TRPC3: variants seen among roughly 807,000 people sequenced by gnomAD.
TRPC3 encodes transient receptor potential cation channel subfamily C member 3, also known as short transient receptor potential channel 3.
A neutral mutation model predicts 90.9 loss-of-function variants in TRPC3; 54 were observed. That is an observed-to-expected ratio of 0.59 (90% CI 0.48 to 0.75). The LOEUF is 0.75. Ranked by LOEUF, TRPC3 falls within the 30% of genes least tolerant of loss-of-function variation. The probability of loss-of-function intolerance (pLI) is 0.00; values close to 1 mark genes in which losing one functional copy is unlikely to be tolerated. For missense variants in TRPC3, 918 were observed against 1,194.5 expected (o/e 0.77, Z 3.41); for synonymous variants, 424 against 450.9 (o/e 0.94, Z 0.75).
At chr4:121,925,324 C>G (rs1161732045) in intron 2 of TRPC3, 118 bp from the exon 3 acceptor site, 1 of 1,092,694 alleles carries the variant, frequency 9.2e-7, no homozygotes, top group Non-Finnish European at 1.3e-6. Flanking sequence ...TGCAGCCCAC[C>G]TGGATGCAAG....
intron 11 of TRPC3, among the ~76,000 whole-genome samples, chr4:121,881,791 T>G (rs1051391212): frequency 3.9e-5 from 6 of 152,154 alleles, no homozygotes; most frequent in African/African-American, 1.2e-4. Flanking sequence ...TCCTAGACTT[T>G]GGTAAAAAAT....
chr4:121,916,269 AGGACAGGC>A (rs1230678030), intron 3 of TRPC3, among the ~76,000 whole-genome samples: 11 of 152,172 alleles, frequency 7.2e-5, no homozygotes, highest in Admixed American at 3.3e-4. Flanking sequence ...CTCATCTCCC[AGGACAGGC>A]GATGTAGGTT....
chr4:121,922,611 T>C (rs918193587), intron 3 of TRPC3, among the ~76,000 whole-genome samples: 2 of 152,238 alleles, frequency 1.3e-5, no homozygotes, highest in Admixed American at 6.5e-5. Context: ...TTTAGTTGAC[T>C]GAAGCACAAG....
At chr4:121,945,554 G>C (rs1203272883) in intron 1 of TRPC3, among the ~76,000 whole-genome samples, 1 of 152,128 alleles carries the variant, frequency 6.6e-6, no homozygotes, top group African/African-American at 2.4e-5. Context: ...CTCAATGCTA[G>C]AGAACGCCCA....
At chr4:121,925,300 T>A in intron 2 of TRPC3, 94 bp from the exon 3 acceptor site, 1 of 1,354,254 alleles carries the variant, frequency 7.4e-7, no homozygotes, top group South Asian at 1.6e-5. Flanking sequence ...TCCCTTCTTT[T>A]GGGGGTAGAA....
chr4:121,947,746 T>C (rs898324078), intron 1 of TRPC3, among the ~76,000 whole-genome samples: 1 of 152,216 alleles, frequency 6.6e-6, no homozygotes, highest in Admixed American at 6.5e-5. Context: ...TAACTACTTT[T>C]ATTAAGACAA....
intron 6 of TRPC3, among the ~76,000 whole-genome samples, chr4:121,908,597 G>A (rs1274619342): frequency 6.6e-6 from 1 of 152,064 alleles, no homozygotes; most frequent in East Asian, 1.9e-4. Flanking sequence ...TGCAGCTGGA[G>A]GCCATTATCC....
chr4:121,933,979 A>C (rs1730045690), intron 1 of TRPC3, among the ~76,000 whole-genome samples: 2 of 152,212 alleles, frequency 1.3e-5, no homozygotes, highest in Non-Finnish European at 2.9e-5. Flanking sequence ...CTGAAACGAC[A>C]AGGTTTGATT....
chr4:121,918,928 G>A (rs1287394130), intron 3 of TRPC3, among the ~76,000 whole-genome samples: 1 of 152,182 alleles, frequency 6.6e-6, no homozygotes, highest in African/African-American at 2.4e-5. Flanking sequence ...CCTGAAAAGT[G>A]TTTTACCTCC....
chr4:121,950,792 C>G (rs1014528030), intron 1 of TRPC3: 1 of 152,242 alleles, frequency 6.6e-6, no homozygotes, highest in Non-Finnish European at 1.5e-5. Flanking sequence ...CCCGGCTGCC[C>G]GATGCCCACT....
intron 2 of TRPC3, chr4:121,930,829 CTA>C: frequency 2.5e-5 from 3 of 119,766 alleles, no homozygotes; most frequent in South Asian, 5.6e-5. Context: ...GCTCTGAGAT[CTA>C]AAAAAAAAAA....
intron 5 of TRPC3, among the ~76,000 whole-genome samples, 176 bp downstream of exon 5, chr4:121,911,701 C>T (rs534006132): frequency 6.6e-6 from 1 of 152,046 alleles, no homozygotes; most frequent in South Asian, 2.1e-4. Flanking sequence ...TTAAGGGACA[C>T]CTTTTGGCAT....
chr4:121,949,780 T>A (rs749252144), intron 1 of TRPC3, among the ~76,000 whole-genome samples: 1 of 152,176 alleles, frequency 6.6e-6, no homozygotes, highest in Non-Finnish European at 1.5e-5. Flanking sequence ...TTAGCAAACA[T>A]ATACAAAAGA....
At position 121,878,775 on chromosome 4, in the gene TRPC3, A is replaced by C. The variant is rs1036815419; in HGVS notation, c.*961T>G. ...GAAACACACCTGGGGATGCTTGGCCATGTCTTTCCAAGTACGCCCATAGTC... is the reference window on the plus strand; with the variant it reads ...GAAACACACCTGGGGATGCTTGGCCCTGTCTTTCCAAGTACGCCCATAGTC... On this transcript the variant is annotated 3_prime_UTR_variant, in exon 12 of 12. Transcript: ENST00000379645. 6.6e-6 allele frequency among the ~76,000 whole-genome samples: 1 copy of C among 152,204 alleles called. No homozygotes were observed. Among genetic ancestry groups the C allele is most frequent in the African/African-American group, 2.4e-5 (1 of 41,456 alleles).
Position 121,879,765 on chromosome 4 carries a change from G to C in TRPC3, c.2737C>G (p.Leu913Val). The C allele has an allele frequency of 6.2e-7, 1 of 1,609,762 alleles. No individual in the cohort carries two copies. The highest frequency in any genetic ancestry group is 2.2e-5 in the East Asian group (1 of 44,476). ...AILIHKLSEK[L>V]NPSMLRCE ...TCACATCTCAGCATGCTGGGATTCA[G>C]TTTCTCACTAAGTTTATGAATTAGA... Residue 913 changes from leucine (L) to valine (V), a missense_variant, in exon 12 of 12, where the codon CTG becomes GTG. Around this residue, in one of 4 missense-constraint regions of TRPC3, gnomAD observed 41 missense variants for 69.4 expected, o/e 0.59. Transcript: ENST00000379645.
At chr4:121,921,919 G>GT (rs1188029866) in intron 3 of TRPC3, among the ~76,000 whole-genome samples, 11,104 of 115,484 alleles carry the variant, frequency 0.096, 636 homozygotes, top group Non-Finnish European at 0.14. Context: ...GTTTTTTTTT[G>GT]TTTTTTTTTT....
At chr4:121,881,151 A>G (rs938754975) in intron 11 of TRPC3, among the ~76,000 whole-genome samples, 29 of 152,068 alleles carry the variant, frequency 1.9e-4, no homozygotes, top group African/African-American at 6.5e-4. Context: ...GGAGACTACA[A>G]CCTATGTGTT....
At chr4:121,886,126 GGT>G (rs1190332339) in intron 10 of TRPC3, among the ~76,000 whole-genome samples, 2 of 152,120 alleles carry the variant, frequency 1.3e-5, no homozygotes, top group African/African-American at 4.8e-5. Flanking sequence ...TGGGTGGTTG[GGT>G]AGCTGCGGGG....
intron 4 of TRPC3, 44 bp downstream of exon 4, chr4:121,914,736 C>G: frequency 6.7e-7 from 1 of 1,484,946 alleles, no homozygotes; most frequent in Non-Finnish European, 9.1e-7. Context: ...CCCAAAGAGA[C>G]ACAGTACACC....
Sources: allele counts gnomAD v4.1 joint callset (sites outside exome capture counted in the v4.1 genomes callset), GRCh38; gene constraint gnomAD v4.1.1; regional missense constraint gnomAD v4.1.1; transcripts MANE v1.5; gene names NCBI Gene and HGNC (gene_info 2026-07-23, HGNC 2026-07-21).